The following MATN4 variants were observed in gnomAD, a reference collection of about 807,000 sequenced individuals.
The protein encoded by MATN4 is matrilin-4.
A neutral mutation model predicts 54.6 loss-of-function variants in MATN4; 40 were observed. The observed-to-expected ratio is 0.73, with a 90% CI of 0.57 to 0.95. MATN4 has a LOEUF of 0.95. MATN4 is among the 40% of genes least tolerant of loss of function. The pLI is 0.00. For missense variants in MATN4, 810 were observed against 819.1 expected, an observed-to-expected ratio of 0.99 and a Z score of 0.13; for synonymous variants, 351 against 345.3, an observed-to-expected ratio of 1.02 and a Z score of -0.18.
Position 45,293,792 on chromosome 20 carries a change from TC to T in MATN4, c.1720del (p.Glu574ArgfsTer67). On this transcript the variant is annotated frameshift_variant, in exon 10 of 10. Coordinates refer to ENST00000372756, the MANE Select transcript of MATN4 (RefSeq NM_001393530.1). LOFTEE classifies it high-confidence loss of function. ...TCACTTCTGGTTGGCCAGCTGGTTC[TC>T]CAGATCCTCCAGGCGCGCCGTCAGC... ...AQLTARLEDL[E>X]NQLANQK 1 of 1,610,536 alleles carries T rather than the reference TC, an allele frequency of 6.2e-7. No homozygotes were observed.
intron 8 of MATN4, 86 bp from the exon 9 acceptor site, chr20:45,294,101 AG>A: frequency 9.6e-7 from 1 of 1,042,358 alleles, no homozygotes; most frequent in Non-Finnish European, 1.4e-6. Flanking sequence ...CCTATGGTTG[AG>A]TATATGGGCT....
intron 8 of MATN4, among the ~76,000 whole-genome samples, chr20:45,296,106 T>C (rs1224995233): frequency 6.7e-6 from 1 of 149,630 alleles, no homozygotes; most frequent in East Asian, 2.0e-4. Context: ...TCCCAGCTAC[T>C]CGAGAGGCTG....
At chr20:45,295,300 G>A (rs772424534) in intron 8 of MATN4, among the ~76,000 whole-genome samples, 14 of 152,124 alleles carry the variant, frequency 9.2e-5, no homozygotes, top group Admixed American at 4.6e-4. Context: ...CAGCAGCATC[G>A]GCATCGTGTA....
At chr20:45,297,877 G>T in intron 8 of MATN4, 41 bp downstream of exon 8, 5 of 1,610,032 alleles carry the variant, frequency 3.1e-6, no homozygotes, top group Non-Finnish European at 4.2e-6. Flanking sequence ...CAGAGGACGG[G>T]CAATGAGAGA....
chr20:45,302,075 G>A (rs1364632375), intron 3 of MATN4, among the ~76,000 whole-genome samples: 2 of 152,130 alleles, frequency 1.3e-5, no homozygotes, highest in African/African-American at 4.8e-5. Context: ...GCATACACAA[G>A]TGTGTAAACC....
chr20:45,299,782 A>G (rs1986095246), intron 6 of MATN4, among the ~76,000 whole-genome samples: 1 of 150,982 alleles, frequency 6.6e-6, no homozygotes, highest in Non-Finnish European at 1.5e-5. Context: ...AGAGGCTGTA[A>G]CAGGAGAATC....
rs542186385 is a variant in MATN4 at position 45,302,255 on chromosome 20, T to G, written c.644-812A>C. Among the ~76,000 whole-genome samples, 70 of 152,284 alleles carry G rather than the reference T, an allele frequency of 4.6e-4. 1 individual carries two copies. The highest frequency in any genetic ancestry group is 1.7e-3 in the African/African-American group (69 of 41,558). On this transcript the variant is annotated intron_variant, in intron 3 of 9. Coordinates refer to ENST00000372756, the MANE Select transcript of MATN4 (RefSeq NM_001393530.1). ...GAGGTCTTGGAGAGAGATTTGAATG[T>G]TAAACAGTCATCAAATCAGAGTTCA... is the stretch of plus-strand genomic sequence containing the variant.
chr20:45,296,241 AGATTAC>A (rs1985819158), intron 8 of MATN4, among the ~76,000 whole-genome samples: 1 of 132,092 alleles, frequency 7.6e-6, no homozygotes, highest in African/African-American at 3.0e-5. Flanking sequence ...AAAAAAAAAA[AGATTAC>A]AGGGAATGAC....
rs115744323 is a variant in MATN4 at position 45,308,196 on chromosome 20, G to C, written c.-56C>G. 2,950 of 1,614,140 alleles carry C rather than the reference G, an allele frequency of 1.8e-3. 49 individuals carry two copies. The African/African-American group carries it at 0.034, about 19-fold the overall frequency. On this transcript the variant is annotated 5_prime_UTR_variant, in exon 1 of 10. Transcript: ENST00000372756. ...TCACCTGAGCCTGCAGGACAGATCAGAGATGCAGCTGCAGAGCGAAGCCGA... is the reference window on the plus strand; with the variant it reads ...TCACCTGAGCCTGCAGGACAGATCACAGATGCAGCTGCAGAGCGAAGCCGA...
chr20:45,301,002 G>A lies in MATN4; in HGVS notation c.897C>T (p.Asp299=), dbSNP rs1303024058. 5.6e-6 allele frequency: 9 copies of A among 1,613,914 alleles called. No individual in the cohort carries two copies. Among genetic ancestry groups the A allele is most frequent in the Non-Finnish European group, 7.6e-6 (9 of 1,179,970 alleles). The change falls in exon 6 of 10, where the codon GAC becomes GAT. Residue 299 remains aspartate (D), a synonymous_variant. Coordinates refer to ENST00000372756, the MANE Select transcript of MATN4 (RefSeq NM_001393530.1). ...AGCCATGGTCCACGCCATTGCAAAG[G>A]TCCCGGACTGAAAGGAGAGACAGGT... ...QPDGRSCQVR[D]LCNGVDHGCE...
At chr20:45,308,448 T>C (rs1986947112), upstream of MATN4, 1 of 578,742 alleles carries the variant, frequency 1.7e-6, no homozygotes, top group Admixed American at 3.0e-5. Context: ...CTACCACGCT[T>C]GGAGCTGCAG....
At chr20:45,301,043 T>C (rs1986193522) in intron 5 of MATN4, 34 bp from the exon 6 acceptor site, 7 of 1,614,060 alleles carry the variant, frequency 4.3e-6, no homozygotes, top group South Asian at 1.1e-5. Flanking sequence ...TGAGTCAGGA[T>C]GGACCCCACC....
Position 45,294,268 on chromosome 20 carries a change from A to C in MATN4, c.1580-253T>G, listed in dbSNP as rs1325389331. Among the ~76,000 whole-genome samples the C allele has an allele frequency of 5.4e-5, 7 of 128,578 alleles. No individual in the cohort carries two copies. In the East Asian group the frequency reaches 1.7e-3, roughly 30 times the overall value. 84.4% of individuals were successfully genotyped at this position (128,578 alleles called of 152,430 possible). A position where few individuals can be genotyped will look rare whatever the true frequency, so the allele number is the denominator to read the frequency against. ...GCTTCGAGGATTCATTCACCTGTGT[A>C]CGTGTGTGTGTGTGTGTGTGCTCAC... On this transcript the variant is annotated intron_variant, in intron 8 of 9. Transcript: ENST00000372756.
At position 45,293,527 on chromosome 20, in the gene MATN4, G is replaced by T; in HGVS notation, c.*240C>A. On this transcript the variant is annotated 3_prime_UTR_variant, in exon 10 of 10. Transcript: ENST00000372756. ...AGAACTGAGCGCAGCACGCGGCGAGGGCGTGCCGGTCTAGCACGTGCCCCT... is the reference window on the plus strand; with the variant it reads ...AGAACTGAGCGCAGCACGCGGCGAGTGCGTGCCGGTCTAGCACGTGCCCCT... 1 of 471,106 alleles carries T rather than the reference G, an allele frequency of 2.1e-6. No homozygotes were observed. The highest frequency in any genetic ancestry group is 3.7e-6 in the Non-Finnish European group (1 of 269,396). 29.2% of individuals were successfully genotyped at this position (471,106 alleles called of 1,614,324 possible). A position where few individuals can be genotyped will look rare whatever the true frequency, so the allele number is the denominator to read the frequency against.
Position 45,304,242 on chromosome 20 carries a change from T to C in MATN4, c.629A>G (p.Gln210Arg). 1 of 1,526,608 alleles carries C rather than the reference T, an allele frequency of 6.6e-7. No homozygotes were observed. The highest frequency in any genetic ancestry group is 8.8e-7 in the Non-Finnish European group (1 of 1,141,394). 94.6% of individuals were successfully genotyped at this position (1,526,608 alleles called of 1,614,324 possible). The change falls in exon 3 of 10, where the codon CAG becomes CGG. Residue 210 changes from glutamine to arginine, a missense_variant. Coordinates refer to ENST00000372756, the MANE Select transcript of MATN4 (RefSeq NM_001393530.1). ...DLIQEFGLQFQSRLCAIDLCA... is the reference protein window; with the variant it reads ...DLIQEFGLQFRSRLCAIDLCA... ...TCCTAACTCACCACACAGCCGGCTC[T>C]GGAACTGCAGGCCGAACTCCTGGAT...
rs375936625 is a variant in MATN4, at chr20:45,297,893, G to C, written c.1579+25C>G. 32 of 1,612,968 alleles carry C rather than the reference G, an allele frequency of 2.0e-5. No homozygotes were observed. In the East Asian group the frequency reaches 2.0e-4, roughly 10 times the overall value. ...AGAGGACGGGCAATGAGAGAGAGGA[G>C]GAGCCCCGAGAGAGATGCGCTCACC... On this transcript the variant is annotated intron_variant, in intron 8 of 9. Transcript: ENST00000372756.
At position 45,297,967 on chromosome 20, in the gene MATN4, G is replaced by A. The variant is rs1308635598; in HGVS notation, c.1530C>T (p.Phe510=). Residue 510 remains phenylalanine, a synonymous_variant, in exon 8 of 10, where the codon TTC becomes TTT. Transcript: ENST00000372756. Reference sequence around the variant, plus strand: ...TCTCCAGCAGGTGCGTCATGGTGCCGAAGTCCGGGGCATAGGACACGTGCA... The same window carrying A: ...TCTCCAGCAGGTGCGTCATGGTGCCAAAGTCCGGGGCATAGGACACGTGCA... ...AELHVSYAPD[F]GTMTHLLENL... 6 of 1,614,200 alleles carry A rather than the reference G, an allele frequency of 3.7e-6. No individual in the cohort carries two copies. The highest frequency in any genetic ancestry group is 5.1e-6 in the Non-Finnish European group (6 of 1,180,032).
Position 45,293,740 on chromosome 20 carries a change from A to G in MATN4, c.*27T>C, listed in dbSNP as rs764336196. 2 of 1,585,048 alleles carry G rather than the reference A, an allele frequency of 1.3e-6. No homozygotes were observed. Among genetic ancestry groups the G allele is most frequent in the East Asian group, 2.3e-5 (1 of 44,104 alleles). On this transcript the variant is annotated 3_prime_UTR_variant, in exon 10 of 10. Transcript: ENST00000372756. The stretch of plus-strand genomic sequence containing the variant: ...GGCACCGTCCGTGGTGCCGCGCCCC[A>G]GCCCGGGTCTGGGCCGTCCGTGGCC...
At chr20:45,307,060 G>C in intron 1 of MATN4, 1 of 554,864 alleles carries the variant, frequency 1.8e-6, no homozygotes, top group Non-Finnish European at 2.6e-6. Flanking sequence ...GAGGCAGCCC[G>C]CCGAACTGCA....
Sources: gnomAD v4.1 joint callset for allele counts (sites outside exome capture counted in the v4.1 genomes callset) on GRCh38, gnomAD v4.1.1 for gene constraint, MANE v1.5 for transcripts, NCBI Gene and HGNC (gene_info 2026-07-23, HGNC 2026-07-21) for gene names.